CADM3: variants seen among roughly 807,000 people sequenced by gnomAD.
CADM3 encodes the protein TSLC1-like 1.
In CADM3, 11 loss-of-function variants were observed where a neutral mutation model predicts 44.9. That is an observed-to-expected ratio of 0.25 (90% CI 0.15 to 0.41). CADM3 has a LOEUF of 0.41. CADM3 is among the 10% of genes least tolerant of loss of function. CADM3 has a pLI of 1.00. For synonymous variants in CADM3, 207 were observed against 205.2 expected, an observed-to-expected ratio of 1.01 and a Z score of -0.08; for missense variants, 426 against 512.0, an observed-to-expected ratio of 0.83 and a Z score of 1.62.
chr1:159,183,967 C>T (rs1167875849), intron 1 of CADM3, among the ~76,000 whole-genome samples: 1 of 152,132 alleles, frequency 6.6e-6, no homozygotes. Flanking sequence ...TCCTTCTGAC[C>T]AGCGTTTTGT....
chr1:159,173,361 C>CCAT (rs1318211665), intron 1 of CADM3, among the ~76,000 whole-genome samples: 1 of 152,114 alleles, frequency 6.6e-6, no homozygotes, highest in Non-Finnish European at 1.5e-5. Flanking sequence ...ATCCCTGTCT[C>CCAT]CATCGTGATA....
At chr1:159,172,130 C>T (rs898978584) in intron 1 of CADM3, among the ~76,000 whole-genome samples, 9 of 151,746 alleles carry the variant, frequency 5.9e-5, no homozygotes, top group African/African-American at 2.2e-4. Context: ...AGGAGCAGCC[C>T]GGGGTCTGGA....
At chr1:159,194,356 A>G (rs1229374704) in intron 5 of CADM3, 2 of 215,570 alleles carry the variant, frequency 9.3e-6, no homozygotes, top group African/African-American at 2.3e-5. Flanking sequence ...TTACAAAAGA[A>G]TGCAGGTGGC....
intron 5 of CADM3, chr1:159,194,673 A>T (rs2102128172): frequency 6.6e-6 from 1 of 152,304 alleles, no homozygotes; most frequent in Non-Finnish European, 1.5e-5. Flanking sequence ...TTATTCCCAG[A>T]TCTTTTCCTT....
In CADM3 at chr1:159,202,962, A is replaced by G. The variant is rs1170605620; in HGVS notation, c.*2040A>G. Reference sequence around the variant, plus strand: ...CTGAACCACTCTGTCCATATTACACAGAAGCCATATTTGTACGGGGGGGTG... The same window carrying G: ...CTGAACCACTCTGTCCATATTACACGGAAGCCATATTTGTACGGGGGGGTG... On this transcript the variant is annotated 3_prime_UTR_variant, in exon 9 of 9. Transcript: ENST00000368125. 4 of 126,226 alleles carry G rather than the reference A, an allele frequency of 3.2e-5. No homozygotes were observed. Among genetic ancestry groups the G allele is most frequent in the African/African-American group, 1.2e-4 (4 of 33,808 alleles). The allele number at this position is 126,226 out of a possible 1,614,324, so 7.8% of individuals were successfully genotyped here.
At chr1:159,195,174 G>C (rs2852719) in intron 5 of CADM3, 1 of 152,126 alleles carries the variant, frequency 6.6e-6, no homozygotes, top group South Asian at 2.1e-4. Flanking sequence ...TCCACAGGCC[G>C]ACAATCCGGA....
intron 1 of CADM3, among the ~76,000 whole-genome samples, chr1:159,182,743 C>A (rs1649281023): frequency 6.6e-6 from 1 of 152,124 alleles, no homozygotes; most frequent in Non-Finnish European, 1.5e-5. Context: ...ACCTCTGACC[C>A]TTAGGATTCA....
chr1:159,188,057 G>A (rs1028714150), intron 1 of CADM3, among the ~76,000 whole-genome samples: 2 of 151,852 alleles, frequency 1.3e-5, no homozygotes, highest in African/African-American at 4.8e-5. Context: ...CAGCATTTGG[G>A]CATTAGCGCT....
In CADM3 at chr1:159,171,661, G is replaced by A; in HGVS notation, c.-105G>A. ...TCGGCCCCGGGCTCCGAAGCGGCTC[G>A]GGGGCGCCCTTTCGGTCAACATCGT... On this transcript the variant is annotated 5_prime_UTR_variant, in exon 1 of 9. Transcript: ENST00000368125. 2 of 860,148 alleles carry A rather than the reference G, an allele frequency of 2.3e-6. No homozygotes were observed. Among genetic ancestry groups the A allele is most frequent in the Non-Finnish European group, 3.1e-6 (2 of 649,156 alleles). The allele number at this position is 860,148 out of a possible 1,614,324, so 53.3% of individuals were successfully genotyped here.
intron 8 of CADM3, among the ~76,000 whole-genome samples, chr1:159,200,345 C>T (rs905603136): frequency 6.6e-6 from 1 of 152,164 alleles, no homozygotes; most frequent in Non-Finnish European, 1.5e-5. Context: ...TCTCACATTC[C>T]TTCCTCTCAG....
intron 1 of CADM3, among the ~76,000 whole-genome samples, chr1:159,185,773 T>C (rs1649394242): frequency 1.3e-5 from 2 of 152,186 alleles, no homozygotes; most frequent in African/African-American, 4.8e-5. Context: ...ACCTAACTCT[T>C]ACAGTAGAAG....
chr1:159,181,105 T>A (rs973319248), intron 1 of CADM3, among the ~76,000 whole-genome samples: 4 of 152,208 alleles, frequency 2.6e-5, no homozygotes, highest in Non-Finnish European at 5.9e-5. Flanking sequence ...TATTTTCCCA[T>A]ACCCTTCCAA....
intron 8 of CADM3, 51 bp downstream of exon 8, chr1:159,199,927 CA>C: frequency 6.3e-7 from 1 of 1,595,084 alleles, no homozygotes; most frequent in Non-Finnish European, 8.6e-7. Flanking sequence ...GCAGGGAGAC[CA>C]ATCAGAGGCA....
At chr1:159,171,904 G>C in intron 1 of CADM3, 51 bp downstream of exon 1, 1 of 1,164,676 alleles carries the variant, frequency 8.6e-7, no homozygotes, top group Non-Finnish European at 1.1e-6. Context: ...GACCCGAGGC[G>C]GGGGCTGGGA....
At chr1:159,178,490 C>T (rs1649108403) in intron 1 of CADM3, 1 of 152,178 alleles carries the variant, frequency 6.6e-6, no homozygotes, top group Non-Finnish European at 1.5e-5. Flanking sequence ...TCCATACCGT[C>T]CTGAACGCAC....
chr1:159,194,461 C>G (rs1016905074), intron 5 of CADM3: 1 of 158,038 alleles, frequency 6.3e-6, no homozygotes, highest in African/African-American at 2.4e-5. Flanking sequence ...ACTCAGGATT[C>G]CCAGGAAGTA....
intron 1 of CADM3, among the ~76,000 whole-genome samples, chr1:159,180,588 T>C (rs1649193265): frequency 2.6e-5 from 4 of 152,050 alleles, no homozygotes; most frequent in Non-Finnish European, 4.4e-5. Context: ...GATTTTTTTT[T>C]TTTTAAGTGA....
chr1:159,186,599 AGGTTATAATT>A (rs1649429558), intron 1 of CADM3, among the ~76,000 whole-genome samples: 4 of 152,214 alleles, frequency 2.6e-5, no homozygotes, highest in African/African-American at 9.6e-5. Flanking sequence ...TTCACAACCC[AGGTTATAATT>A]TCTGCTACTT....
intron 2 of CADM3, among the ~76,000 whole-genome samples, chr1:159,192,282 G>A (rs1649698632): frequency 6.6e-6 from 1 of 152,166 alleles, no homozygotes; most frequent in African/African-American, 2.4e-5. Flanking sequence ...GGGTTCTGGA[G>A]TGACTTCACC....
Sources: allele counts gnomAD v4.1 joint callset (sites outside exome capture counted in the v4.1 genomes callset), GRCh38; gene constraint gnomAD v4.1.1; transcripts MANE v1.5; gene names NCBI Gene and HGNC (gene_info 2026-07-23, HGNC 2026-07-21).